The following TGDS variants were observed in gnomAD, a reference collection of about 807,000 sequenced individuals.
The protein encoded by TGDS is TDP-glucose 4,6-dehydratase.
TGDS carries 47 observed loss-of-function variants against 52.3 expected under a neutral mutation model. The observed-to-expected ratio is 0.90, with a 90% CI of 0.71 to 1.15. TGDS has a LOEUF of 1.15. Among genes scored for constraint, TGDS ranks in the 50% most tolerant of loss-of-function variants. The probability of loss-of-function intolerance (pLI) is 0.00; values close to 1 mark genes in which losing one functional copy is unlikely to be tolerated. For missense variants in TGDS, 375 were observed against 418.4 expected, an observed-to-expected ratio of 0.90 and a Z score of 0.90; for synonymous variants, 115 against 136.9, an observed-to-expected ratio of 0.84 and a Z score of 1.12.
chr13:94,582,966 C>A lies in TGDS; in HGVS notation c.456+128G>T, dbSNP rs1187111956. The A allele has an allele frequency of 7.5e-6, 7 of 936,460 alleles. No individual in the cohort carries two copies. The African/African-American group carries it at 1.2e-4, about 15-fold the overall frequency. 58.0% of individuals were successfully genotyped at this position (936,460 alleles called of 1,614,324 possible). On this transcript the variant is annotated intron_variant, in intron 5 of 11. Transcript: ENST00000261296. Reference sequence around the variant, plus strand: ...CTATTAGTTGTGTCCCTCTAGAGAACCCTAATACACTCTGAAGAGTGCCAC... The same window carrying A: ...CTATTAGTTGTGTCCCTCTAGAGAAACCTAATACACTCTGAAGAGTGCCAC...
At chr13:94,584,412 G>C (rs1356578038) in intron 4 of TGDS, among the ~76,000 whole-genome samples, 3 of 152,196 alleles carry the variant, frequency 2.0e-5, no homozygotes, top group African/African-American at 7.2e-5. Context: ...TGGTGCTGTT[G>C]AGAACCAAGG....
intron 4 of TGDS, among the ~76,000 whole-genome samples, chr13:94,586,751 ATTTTTTTTTT>A (rs55763244): frequency 5.4e-5 from 2 of 36,842 alleles, no homozygotes; most frequent in Non-Finnish European, 1.1e-4. Context: ...AAATCAAATT[ATTTTTTTTTT>A]TTTTTTTTTT....
chr13:94,578,292 A>T (rs980348986), intron 8 of TGDS, 122 bp from the exon 9 acceptor site: 12 of 949,602 alleles, frequency 1.3e-5, no homozygotes, highest in Non-Finnish European at 1.9e-5. Flanking sequence ...TCTTTACTGA[A>T]AATACAAATT....
At chr13:94,576,918 T>A (rs1888621473) in intron 10 of TGDS, among the ~76,000 whole-genome samples, 1 of 152,080 alleles carries the variant, frequency 6.6e-6, no homozygotes, top group Non-Finnish European at 1.5e-5. Flanking sequence ...CTGGCCAACA[T>A]GGTGCAAACC....
chr13:94,584,092 A>G (rs61965578), intron 4 of TGDS, among the ~76,000 whole-genome samples: 3,371 of 148,912 alleles, frequency 0.023, 74 homozygotes, highest in Middle Eastern at 0.041. Context: ...TACACTGACA[A>G]TGATGATGTA....
rs1294654558 is a variant in TGDS at position 94,590,835 on chromosome 13, A to C, written c.313+18T>G. On this transcript the variant is annotated intron_variant, in intron 4 of 11. Coordinates refer to ENST00000261296, the MANE Select transcript of TGDS (RefSeq NM_014305.4). Reference sequence around the variant, plus strand: ...GAGAGAACTGCCAATCATAACTGTAACATAAAACAATGCTTACCTACATGT... The same window carrying C: ...GAGAGAACTGCCAATCATAACTGTACCATAAAACAATGCTTACCTACATGT... The C allele has an allele frequency of 1.3e-6, 2 of 1,544,368 alleles. No individual in the cohort carries two copies. Among genetic ancestry groups the C allele is most frequent in the Non-Finnish European group, 1.7e-6 (2 of 1,153,448 alleles).
rs544436734 is a variant in TGDS, at chr13:94,578,130, A to G, written c.700T>C (p.Tyr234His). ...AATGCTTCTACAACATCAGTAGCAT[A>G]AAGGAAGTTTCTTGTTTGAAGCCCT... ...GSGLQTRNFL[Y>H]ATDVVEAFLT... Residue 234 changes from tyrosine to histidine, a missense_variant, in exon 9 of 12, where the codon TAT (tyrosine) becomes CAT (histidine). Transcript: ENST00000261296. 4.3e-6 allele frequency: 7 copies of G among 1,613,816 alleles called. No individual in the cohort carries two copies. The African/African-American group carries it at 5.3e-5, about 12-fold the overall frequency.
At chr13:94,588,686 T>C (rs1275237199) in intron 4 of TGDS, among the ~76,000 whole-genome samples, 3 of 152,240 alleles carry the variant, frequency 2.0e-5, no homozygotes, top group East Asian at 3.9e-4. Context: ...AACCACAAAA[T>C]TGACACAGCA....
intron 4 of TGDS, 56 bp from the exon 5 acceptor site, chr13:94,583,292 C>T (rs1380954112): frequency 6.4e-7 from 1 of 1,566,640 alleles, no homozygotes; most frequent in Non-Finnish European, 8.6e-7. Flanking sequence ...AAAACAAATG[C>T]CAAATGATGG....
In TGDS at chr13:94,576,401, CA is replaced by C; in HGVS notation, c.894del (p.Asn298LysfsTer3). 7 of 1,590,692 alleles carry C rather than the reference CA, an allele frequency of 4.4e-6. No homozygotes were observed. Among genetic ancestry groups the C allele is most frequent in the Non-Finnish European group, 5.1e-6 (6 of 1,168,756 alleles). On this transcript the variant is annotated frameshift_variant, in exon 11 of 12. Coordinates refer to ENST00000261296, the MANE Select transcript of TGDS (RefSeq NM_014305.4). LOFTEE classifies it high-confidence loss of function. ...TCTGACTTCATTGGGTATCTCATGT[CA>C]TTGGTGGGTCTTGGAAAACAAAACA... ...WVDYVNDRPT[N>X]DMRYPMKSEK... is the part of the protein sequence containing the mutation.
At chr13:94,577,949 A>G in intron 9 of TGDS, 56 bp downstream of exon 9, 1 of 1,541,956 alleles carries the variant, frequency 6.5e-7, no homozygotes, top group East Asian at 2.3e-5. Context: ...ATTTTGACTA[A>G]TGGTCACTGC....
At chr13:94,577,931 T>C (rs2139515056) in intron 9 of TGDS, 74 bp downstream of exon 9, 1 of 1,434,408 alleles carries the variant, frequency 7.0e-7, no homozygotes, top group Non-Finnish European at 9.5e-7. Flanking sequence ...GTAAGCTGTA[T>C]GCTTCTGATT....
chr13:94,596,206 C>T, upstream of TGDS: 1 of 1,507,670 alleles, frequency 6.6e-7, no homozygotes, highest in South Asian at 1.2e-5. Context: ...TCCGCCGCGA[C>T]CTTTTGCGAC....
chr13:94,580,500 T>A (rs1462370023), intron 6 of TGDS, among the ~76,000 whole-genome samples: 1 of 152,118 alleles, frequency 6.6e-6, no homozygotes. Context: ...AAGGCTCCCA[T>A]ACTGACACTG....
Position 94,595,118 on chromosome 13 carries a change from T to C in TGDS, c.86+933A>G, listed in dbSNP as rs571212075. Reference sequence around the variant, plus strand: ...AGATATGGTGGTCAGGTAAGAACTCTCTGAGGTGCTATCTGAATAAAAACC... The same window carrying C: ...AGATATGGTGGTCAGGTAAGAACTCCCTGAGGTGCTATCTGAATAAAAACC... On this transcript the variant is annotated intron_variant, in intron 1 of 11. Transcript: ENST00000261296. 3.9e-5 allele frequency among the ~76,000 whole-genome samples: 6 copies of C among 152,230 alleles called. No homozygotes were observed. The East Asian group carries it at 1.2e-3, about 29-fold the overall frequency.
Position 94,577,438 on chromosome 13 carries a change from A to C in TGDS, c.826-9T>G. 1 of 1,557,080 alleles carries C rather than the reference A, an allele frequency of 6.4e-7. No individual in the cohort carries two copies. Among genetic ancestry groups the C allele is most frequent in the Non-Finnish European group, 8.6e-7 (1 of 1,159,664 alleles). On this transcript the variant is annotated splice_polypyrimidine_tract_variant and intron_variant, in intron 9 of 11. Coordinates refer to ENST00000261296, the MANE Select transcript of TGDS (RefSeq NM_014305.4). ...GAATTGGTCTCTTTGATCTGTCAAA[A>C]TGGAAAAAGCTTTTGAGTCAAATTA...
At chr13:94,595,985 C>T in intron 1 of TGDS, 66 bp downstream of exon 1, 1 of 1,594,914 alleles carries the variant, frequency 6.3e-7, no homozygotes, top group Non-Finnish European at 8.6e-7. Context: ...CTAGGGCAAG[C>T]AGAGCTGCGG....
chr13:94,580,787 T>G (rs941463388), intron 6 of TGDS, among the ~76,000 whole-genome samples: 7 of 152,278 alleles, frequency 4.6e-5, no homozygotes, highest in African/African-American at 1.7e-4. Flanking sequence ...AAATTAGTTT[T>G]TAAAATTCCA....
intron 5 of TGDS, among the ~76,000 whole-genome samples, chr13:94,581,639 A>G (rs1888798200): frequency 1.3e-5 from 2 of 152,236 alleles, no homozygotes; most frequent in African/African-American, 4.8e-5. Flanking sequence ...TTTACCTGAT[A>G]AAAATTGCAG....
Sources: gnomAD v4.1 joint callset for allele counts (sites outside exome capture counted in the v4.1 genomes callset) on GRCh38, gnomAD v4.1.1 for gene constraint, MANE v1.5 for transcripts, NCBI Gene and HGNC (gene_info 2026-07-23, HGNC 2026-07-21) for gene names.